Variants in TRAF3 observed in about 807,000 individuals in gnomAD.
The protein encoded by TRAF3 is TNF receptor associated factor 3.
Under a neutral mutation model 62.3 loss-of-function variants are expected in TRAF3, and 13 were observed. The ratio of observed to expected loss-of-function variants is 0.21; its 90% CI spans 0.14 to 0.33. The LOEUF is 0.33. Among genes scored for constraint, TRAF3 ranks in the 10% least tolerant of loss-of-function variants. The pLI is 1.00. For synonymous variants in TRAF3, 269 were observed against 283.4 expected (o/e 0.95, Z 0.51); for missense variants, 440 against 741.8 (o/e 0.59, Z 4.73).
In TRAF3 at chr14:102,898,672, A is replaced by G. The variant is rs1890123061; in HGVS notation, c.960+1271A>G. 1.3e-5 allele frequency among the ~76,000 whole-genome samples: 2 copies of G among 152,252 alleles called. 1 individual carries two copies. The highest frequency in any genetic ancestry group is 2.9e-5 in the Non-Finnish European group (2 of 68,048). On this transcript the variant is annotated intron_variant, in intron 10 of 11. Transcript: ENST00000392745. ...CAAGTACTGGATTCATTTACAACAA[A>G]AAGTTAGAATATACACAGTGATGTA...
In TRAF3 at chr14:102,787,404, T is replaced by TG. The variant is rs1179560961; in HGVS notation, c.-157+9731dup. 2.6e-5 allele frequency among the ~76,000 whole-genome samples: 4 copies of TG among 151,962 alleles called. No homozygotes were observed. In the East Asian group the frequency reaches 7.7e-4, roughly 29 times the overall value. On this transcript the variant is annotated intron_variant, in intron 1 of 11. Coordinates refer to ENST00000392745, the MANE Select transcript of TRAF3 (RefSeq NM_145725.3). ...AATATTCTTCAATTTGGGCTGGGCG[T>TG]GGTGGCTCACGCCTGTAATCCCAAC...
intron 2 of TRAF3, among the ~76,000 whole-genome samples, chr14:102,844,250 A>G (rs1566770167): frequency 1.3e-5 from 2 of 152,214 alleles, no homozygotes; most frequent in Non-Finnish European, 2.9e-5. Context: ...TCTGATGTAA[A>G]TTTTGAGAAA....
chr14:102,849,051 C>T (rs928410844), intron 2 of TRAF3, among the ~76,000 whole-genome samples: 1 of 152,214 alleles, frequency 6.6e-6, no homozygotes, highest in South Asian at 2.1e-4. Flanking sequence ...GTCCTCCCAC[C>T]TCCGCCTCCC....
chr14:102,855,252 C>T lies in TRAF3; in HGVS notation c.-17-14933C>T, dbSNP rs186862319. ...GTATTGATGGACATTTTGGTGGTTT[C>T]TACCTTTTTGGTTGTTGTGAAGAGT... On this transcript the variant is annotated intron_variant, in intron 2 of 11. Coordinates refer to ENST00000392745, the MANE Select transcript of TRAF3 (RefSeq NM_145725.3). Among the ~76,000 whole-genome samples, 18 of 152,254 alleles carry T rather than the reference C, an allele frequency of 1.2e-4. No individual in the cohort carries two copies. The East Asian group carries it at 3.3e-3, about 28-fold the overall frequency.
chr14:102,879,405 A>G (rs893316749), intron 6 of TRAF3, among the ~76,000 whole-genome samples: 4 of 151,998 alleles, frequency 2.6e-5, no homozygotes, highest in African/African-American at 7.2e-5. Flanking sequence ...CCATAGGTGC[A>G]TGCTACCATG....
chr14:102,829,179 G>A (rs897320101), intron 1 of TRAF3, among the ~76,000 whole-genome samples: 3 of 152,194 alleles, frequency 2.0e-5, no homozygotes, highest in African/African-American at 7.2e-5. Flanking sequence ...TAATTTATAT[G>A]TCCAATGCCA....
chr14:102,834,342 A>G (rs1885841384), intron 2 of TRAF3, among the ~76,000 whole-genome samples: 1 of 152,160 alleles, frequency 6.6e-6, no homozygotes, highest in African/African-American at 2.4e-5. Flanking sequence ...CAGTGGGGAA[A>G]GGACTCCCTA....
intron 1 of TRAF3, among the ~76,000 whole-genome samples, chr14:102,780,553 GGCCT>G (rs1201317551): frequency 6.6e-6 from 1 of 150,880 alleles, no homozygotes; most frequent in Non-Finnish European, 1.5e-5. Context: ...GCTTATTGTC[GGCCT>G]GTACAGATGA....
At chr14:102,812,654 T>C (rs1403505470) in intron 1 of TRAF3, among the ~76,000 whole-genome samples, 1 of 152,128 alleles carries the variant, frequency 6.6e-6, no homozygotes, top group Non-Finnish European at 1.5e-5. Context: ...GCGTGGTGGC[T>C]CACGCCTGTA....
At chr14:102,885,186 A>G (rs575572424) in intron 6 of TRAF3, among the ~76,000 whole-genome samples, 122 of 152,172 alleles carry the variant, frequency 8.0e-4, no homozygotes, top group African/African-American at 2.9e-3. Flanking sequence ...AGGAGCAACC[A>G]CGTTCCGAGG....
chr14:102,892,904 G>A (rs1381174870), intron 9 of TRAF3, among the ~76,000 whole-genome samples: 1 of 152,192 alleles, frequency 6.6e-6, no homozygotes, highest in Non-Finnish European at 1.5e-5. Context: ...CAGAATCCTA[G>A]CCATCTTCCC....
chr14:102,794,531 A>T (rs899987807), intron 1 of TRAF3, among the ~76,000 whole-genome samples: 5 of 152,218 alleles, frequency 3.3e-5, no homozygotes, highest in Admixed American at 3.3e-4. Flanking sequence ...GTGTAGCATT[A>T]TTCCTGCCAT....
intron 1 of TRAF3, among the ~76,000 whole-genome samples, chr14:102,807,690 T>G (rs1370102607): frequency 6.6e-6 from 1 of 152,142 alleles, no homozygotes; most frequent in East Asian, 1.9e-4. Flanking sequence ...TCCTCACCTT[T>G]CAGAGTATTA....
intron 1 of TRAF3, among the ~76,000 whole-genome samples, chr14:102,810,426 T>C (rs1367698928): frequency 2.0e-5 from 3 of 152,200 alleles, no homozygotes; most frequent in African/African-American, 7.2e-5. Flanking sequence ...AGCTTTTAAG[T>C]AGGAGAATGT....
intron 1 of TRAF3, among the ~76,000 whole-genome samples, chr14:102,793,828 A>G (rs1299882783): frequency 1.3e-5 from 2 of 152,356 alleles, no homozygotes; most frequent in African/African-American, 4.8e-5. Flanking sequence ...AAACCACCCT[A>G]AACATCAGTG....
intron 2 of TRAF3, among the ~76,000 whole-genome samples, chr14:102,845,456 G>C (rs987428652): frequency 6.6e-6 from 1 of 151,574 alleles, no homozygotes; most frequent in African/African-American, 2.4e-5. Flanking sequence ...GCCCACCTCA[G>C]TCTTCCAAAG....
chr14:102,894,201 C>T (rs1380786179), intron 9 of TRAF3, among the ~76,000 whole-genome samples: 2 of 152,066 alleles, frequency 1.3e-5, no homozygotes, highest in Non-Finnish European at 1.5e-5. Context: ...GTGGTGTGCG[C>T]CTGTGATCCC....
chr14:102,834,076 T>A, intron 2 of TRAF3, among the ~76,000 whole-genome samples: 1 of 152,078 alleles, frequency 6.6e-6, no homozygotes, highest in Non-Finnish European at 1.5e-5. Context: ...ACCGAGGACC[T>A]TCTTCACAGA....
intron 1 of TRAF3, among the ~76,000 whole-genome samples, chr14:102,808,671 A>T (rs1898923882): frequency 6.6e-6 from 1 of 152,202 alleles, no homozygotes; most frequent in Non-Finnish European, 1.5e-5. Flanking sequence ...CTAGCTATAG[A>T]CGCATTTTAC....
Sources: allele counts gnomAD v4.1 joint callset (sites outside exome capture counted in the v4.1 genomes callset), GRCh38; gene constraint gnomAD v4.1.1; transcripts MANE v1.5; gene names NCBI Gene and HGNC (gene_info 2026-07-23, HGNC 2026-07-21).